The following PTPRO variants were observed in gnomAD, a reference collection of about 807,000 sequenced individuals.
PTPRO encodes receptor-type tyrosine-protein phosphatase O.
In PTPRO, 62 loss-of-function variants were observed where a neutral mutation model predicts 145.2. That is an observed-to-expected ratio of 0.43 (90% CI 0.35 to 0.53). The LOEUF (loss-of-function observed/expected upper bound fraction) is 0.53, where lower values mean the gene tolerates loss of function less well. PTPRO is among the 20% of genes least tolerant of loss of function. The pLI is 0.01. For synonymous variants in PTPRO, 565 were observed against 514.7 expected (o/e 1.10, Z -1.32); for missense variants, 1,345 against 1,482.7 (o/e 0.91, Z 1.53).
intron 1 of PTPRO, among the ~76,000 whole-genome samples, chr12:15,424,981 A>G (rs545322392): frequency 3.9e-4 from 60 of 152,202 alleles, no homozygotes; most frequent in African/African-American, 1.3e-3. Flanking sequence ...TTTCACCGCT[A>G]TTTAAATTTG....
intron 1 of PTPRO, among the ~76,000 whole-genome samples, chr12:15,483,378 A>C (rs1474232297): frequency 6.6e-6 from 1 of 152,160 alleles, no homozygotes; most frequent in African/African-American, 2.4e-5. Context: ...CAGATCCTCC[A>C]TCTGGTCTCT....
chr12:15,454,404 T>A (rs777940057), intron 1 of PTPRO, among the ~76,000 whole-genome samples: 27 of 152,198 alleles, frequency 1.8e-4, no homozygotes, highest in Admixed American at 1.0e-3. Flanking sequence ...CATTTTTTAA[T>A]CTGGTTATTT....
At chr12:15,471,124 G>T (rs1383763260) in intron 1 of PTPRO, among the ~76,000 whole-genome samples, 1 of 152,156 alleles carries the variant, frequency 6.6e-6, no homozygotes, top group African/African-American at 2.4e-5. Context: ...AAACCATAAA[G>T]AATGTATCTA....
At chr12:15,415,478 A>G (rs570338004) in intron 1 of PTPRO, among the ~76,000 whole-genome samples, 131 of 150,484 alleles carry the variant, frequency 8.7e-4, no homozygotes, top group South Asian at 2.9e-3. Context: ...TCCGCCTCCC[A>G]GGTTCACGCC....
At chr12:15,538,553 C>G (rs942446551) in intron 12 of PTPRO, among the ~76,000 whole-genome samples, 36 of 152,122 alleles carry the variant, frequency 2.4e-4, no homozygotes, top group Non-Finnish European at 3.8e-4. Flanking sequence ...GGCATTTCTC[C>G]TGCCCATCAT....
At chr12:15,519,757 AC>A (rs1942674564) in intron 9 of PTPRO, among the ~76,000 whole-genome samples, 1 of 152,200 alleles carries the variant, frequency 6.6e-6, no homozygotes, top group African/African-American at 2.4e-5. Context: ...AGTGTGGGTT[AC>A]CCATGGGCTA....
At chr12:15,375,906 A>G (rs550162843) in intron 1 of PTPRO, among the ~76,000 whole-genome samples, 1 of 152,328 alleles carries the variant, frequency 6.6e-6, no homozygotes, top group Non-Finnish European at 1.5e-5. Flanking sequence ...CAAAAGAAAG[A>G]AAGGTTAGTG....
intron 1 of PTPRO, among the ~76,000 whole-genome samples, chr12:15,335,785 A>G (rs552750386): frequency 3.2e-4 from 48 of 152,160 alleles, no homozygotes; most frequent in Non-Finnish European, 5.7e-4. Flanking sequence ...TATTTGCAAC[A>G]AATAAAATAC....
chr12:15,570,173 T>C (rs1041998384), intron 19 of PTPRO, among the ~76,000 whole-genome samples: 3 of 152,196 alleles, frequency 2.0e-5, no homozygotes, highest in Non-Finnish European at 2.9e-5. Flanking sequence ...TGGGGGAAGA[T>C]AATTAGTTCT....
chr12:15,332,434 C>T lies in PTPRO; in HGVS notation c.75+9633C>T, dbSNP rs188212441. 2.6e-4 allele frequency among the ~76,000 whole-genome samples: 40 copies of T among 152,246 alleles called. 1 individual carries two copies. Among genetic ancestry groups the T allele is most frequent in the Admixed American group, 2.5e-3 (38 of 15,296 alleles). The stretch of plus-strand genomic sequence containing the variant: ...AGGAAAATGCTTTTGGAGGAAAATA[C>T]GTAGATATCTTCCTTACTTTATGGA... On this transcript the variant is annotated intron_variant, in intron 1 of 26. Coordinates refer to ENST00000281171, the MANE Select transcript of PTPRO (RefSeq NM_030667.3).
intron 1 of PTPRO, among the ~76,000 whole-genome samples, chr12:15,360,862 A>T (rs1441911143): frequency 7.3e-6 from 1 of 137,606 alleles, no homozygotes; most frequent in Non-Finnish European, 1.6e-5. Flanking sequence ...GTGTGTGTAT[A>T]TATGTGTGTA....
chr12:15,594,587 T>G (rs1456261893), intron 25 of PTPRO, among the ~76,000 whole-genome samples: 1 of 151,876 alleles, frequency 6.6e-6, no homozygotes, highest in African/African-American at 2.4e-5. Context: ...TCTGGGGTGA[T>G]GAATGTGTTA....
intron 1 of PTPRO, among the ~76,000 whole-genome samples, chr12:15,349,278 C>T (rs190113985): frequency 6.6e-6 from 1 of 151,896 alleles, no homozygotes; most frequent in Non-Finnish European, 1.5e-5. Context: ...GATGGGGGTA[C>T]GATTTAGTAC....
chr12:15,454,708 A>C (rs1591825810), intron 1 of PTPRO, among the ~76,000 whole-genome samples: 2 of 152,122 alleles, frequency 1.3e-5, no homozygotes, highest in Non-Finnish European at 2.9e-5. Flanking sequence ...GAGTTTTACA[A>C]TTTCATGTCT....
chr12:15,503,768 T>C (rs1942266475), intron 5 of PTPRO, 140 bp from the exon 6 acceptor site: 3 of 628,728 alleles, frequency 4.8e-6, no homozygotes, highest in Non-Finnish European at 8.3e-6. Context: ...ATGGTACCTT[T>C]AGTTTAGAGG....
intron 2 of PTPRO, among the ~76,000 whole-genome samples, chr12:15,484,519 G>T (rs564892125): frequency 6.6e-6 from 1 of 152,096 alleles, no homozygotes; most frequent in Non-Finnish European, 1.5e-5. Flanking sequence ...TCAAATTCAT[G>T]ATTGGACCAT....
intron 19 of PTPRO, among the ~76,000 whole-genome samples, chr12:15,573,805 A>G (rs561420666): frequency 2.0e-5 from 3 of 152,146 alleles, no homozygotes; most frequent in Non-Finnish European, 4.4e-5. Flanking sequence ...ATCAATTTTC[A>G]TAGAAGTAGT....
intron 2 of PTPRO, among the ~76,000 whole-genome samples, chr12:15,489,729 C>T (rs916476918): frequency 1.3e-5 from 2 of 152,086 alleles, no homozygotes; most frequent in African/African-American, 4.8e-5. Context: ...CTTATTTTAC[C>T]CAGTCCCTAT....
intron 17 of PTPRO, among the ~76,000 whole-genome samples, chr12:15,565,032 T>C (rs1943862947): frequency 6.6e-6 from 1 of 152,196 alleles, no homozygotes; most frequent in Admixed American, 6.6e-5. Flanking sequence ...ATAGGTCCAG[T>C]TCTTCAGATA....
Sources: allele counts gnomAD v4.1 joint callset (sites outside exome capture counted in the v4.1 genomes callset), GRCh38; gene constraint gnomAD v4.1.1; transcripts MANE v1.5; gene names NCBI Gene and HGNC (gene_info 2026-07-23, HGNC 2026-07-21).